Variants in POU2AF1 observed in about 807,000 individuals in gnomAD.
The protein encoded by POU2AF1 is POU class 2 homeobox associating factor 1.
POU2AF1 carries 12 observed loss-of-function variants against 26.3 expected under a neutral mutation model. The observed-to-expected ratio is 0.46, with a 90% CI of 0.29 to 0.74. POU2AF1 has a LOEUF of 0.74. Among genes scored for constraint, POU2AF1 ranks in the 30% least tolerant of loss-of-function variants. The probability of loss-of-function intolerance (pLI) is 0.09; values close to 1 mark genes in which losing one functional copy is unlikely to be tolerated. For synonymous variants in POU2AF1, 175 were observed against 148.0 expected (o/e 1.18, Z -1.32); for missense variants, 297 against 334.5 (o/e 0.89, Z 0.87).
intron 1 of POU2AF1, among the ~76,000 whole-genome samples, chr11:111,365,365 A>G (rs1454012758): frequency 6.6e-6 from 1 of 152,188 alleles, no homozygotes; most frequent in East Asian, 1.9e-4. Context: ...TTTTTTAGGA[A>G]CTTACCTAAA....
rs1281247804 is a variant in POU2AF1 at position 111,358,769 on chromosome 11, C to T, written c.147+19G>A. 6.4e-7 allele frequency: 1 copy of T among 1,561,836 alleles called. No individual in the cohort carries two copies. The highest frequency in any genetic ancestry group is 8.6e-7 in the Non-Finnish European group (1 of 1,158,330). On this transcript the variant is annotated intron_variant, in intron 2 of 4. Transcript: ENST00000393067. ...TTTCACACACACACACTCACACTCTCACACACACAAACTCTCACCGCCGTA... is the reference window on the plus strand; with the variant it reads ...TTTCACACACACACACTCACACTCTTACACACACAAACTCTCACCGCCGTA...
chr11:111,358,440 T>TCC (rs1565360853), intron 2 of POU2AF1, among the ~76,000 whole-genome samples: 10 of 47,708 alleles, frequency 2.1e-4, no homozygotes, highest in African/African-American at 6.2e-4. Flanking sequence ...TCACACTCAC[T>TCC]CTCACACACA....
chr11:111,352,466 A>G lies in POU2AF1; in HGVS notation c.*1795T>C, dbSNP rs1860743703. The G allele has an allele frequency of 1.1e-5, 2 of 185,490 alleles. No homozygotes were observed. The highest frequency in any genetic ancestry group is 2.3e-5 in the Non-Finnish European group (2 of 87,670). 11.5% of individuals were successfully genotyped at this position (185,490 alleles called of 1,614,324 possible). ...CTATCAAGAGCTAAGCACACCTGCT[A>G]ACAACTCAGTCTCCTACAAACCTGA... On this transcript the variant is annotated 3_prime_UTR_variant, in exon 5 of 5. Coordinates refer to ENST00000393067, the MANE Select transcript of POU2AF1 (RefSeq NM_006235.3).
chr11:111,356,809 C>T (rs141868883), intron 4 of POU2AF1, among the ~76,000 whole-genome samples: 85 of 152,308 alleles, frequency 5.6e-4, no homozygotes, highest in African/African-American at 1.6e-3. Context: ...ATCCTGACAA[C>T]GACCCTTTTC....
chr11:111,367,337 C>A (rs928884182), intron 1 of POU2AF1, among the ~76,000 whole-genome samples: 4 of 152,156 alleles, frequency 2.6e-5, no homozygotes, highest in African/African-American at 9.7e-5. Flanking sequence ...GCTCTGAAAT[C>A]ACCACACTCC....
At chr11:111,362,824 A>G (rs1222795164) in intron 1 of POU2AF1, 1 of 152,306 alleles carries the variant, frequency 6.6e-6, no homozygotes, top group African/African-American at 2.4e-5. Context: ...GAAGGGCTCA[A>G]TCCCATATGC....
At chr11:111,372,410 GCT>G (rs1491397246) in intron 1 of POU2AF1, among the ~76,000 whole-genome samples, 2 of 78,932 alleles carry the variant, frequency 2.5e-5, no homozygotes, top group Non-Finnish European at 6.7e-5. Flanking sequence ...CATCTGCAGG[GCT>G]TTTTTTTGCC....
chr11:111,363,994 A>G (rs540554431), intron 1 of POU2AF1: 1 of 985,408 alleles, frequency 1.0e-6, no homozygotes, highest in Admixed American at 6.1e-5. Flanking sequence ...ATACCACTGG[A>G]AGTCAAGCCA....
chr11:111,358,736 A>C (rs1344269561), intron 2 of POU2AF1, 52 bp downstream of exon 2: 3 of 1,531,354 alleles, frequency 2.0e-6, no homozygotes, highest in Admixed American at 2.0e-5. Flanking sequence ...CCTGACACAC[A>C]CATTCTCTTT....
In POU2AF1 at chr11:111,354,111, G is replaced by T; in HGVS notation, c.*150C>A. 1 of 784,186 alleles carries T rather than the reference G, an allele frequency of 1.3e-6. No individual in the cohort carries two copies. Among genetic ancestry groups the T allele is most frequent in the Non-Finnish European group, 1.9e-6 (1 of 515,042 alleles). 48.6% of individuals were successfully genotyped at this position (784,186 alleles called of 1,614,324 possible). ...GAGGGAGGGAGGGGAAGGAAGAAGG[G>T]AAGGAAGGTTTACAGGTCTACAATT... On this transcript the variant is annotated 3_prime_UTR_variant, in exon 5 of 5. Coordinates refer to ENST00000393067, the MANE Select transcript of POU2AF1 (RefSeq NM_006235.3).
intron 1 of POU2AF1, among the ~76,000 whole-genome samples, chr11:111,370,327 C>A (rs1861184269): frequency 6.6e-6 from 1 of 152,126 alleles, no homozygotes; most frequent in African/African-American, 2.4e-5. Flanking sequence ...TAGGAATTTA[C>A]CTCCTCTTTA....
intron 1 of POU2AF1, among the ~76,000 whole-genome samples, chr11:111,368,640 G>C (rs12419634): frequency 0.54 from 82,413 of 152,080 alleles, 22,788 homozygotes; most frequent in Admixed American, 0.64. Context: ...GAGGAAGAAG[G>C]ACCCAGTGCA....
intron 1 of POU2AF1, among the ~76,000 whole-genome samples, chr11:111,371,005 T>G (rs1266582884): frequency 6.6e-6 from 1 of 152,248 alleles, no homozygotes; most frequent in Non-Finnish European, 1.5e-5. Flanking sequence ...ATACCTTTCC[T>G]TCCTGAATTG....
At position 111,354,592 on chromosome 11, in the gene POU2AF1, C is replaced by T. The variant is rs182099563; in HGVS notation, c.457-17G>A. 726 of 1,503,332 alleles carry T rather than the reference C, an allele frequency of 4.8e-4. 4 individuals are homozygous for T. In the African/African-American group the frequency reaches 8.1e-3, roughly 17 times the overall value. 93.1% of individuals were successfully genotyped at this position (1,503,332 alleles called of 1,614,324 possible). A position where few individuals can be genotyped will look rare whatever the true frequency, so the allele number is the denominator to read the frequency against. On this transcript the variant is annotated splice_polypyrimidine_tract_variant and intron_variant, in intron 4 of 4. Transcript: ENST00000393067. ...GCTTCTTGTCTGTGACAGGAAAACA[C>T]GTGACAGAGGGTTAGCAGCCCCAGG... is the stretch of plus-strand genomic sequence containing the variant.
At chr11:111,360,580 G>A (rs901112190) in intron 1 of POU2AF1, among the ~76,000 whole-genome samples, 2 of 152,168 alleles carry the variant, frequency 1.3e-5, no homozygotes, top group African/African-American at 4.8e-5. Context: ...AGGTCCCTCA[G>A]CTGGCCAGGT....
chr11:111,374,866 T>C (rs1287957968), intron 1 of POU2AF1, among the ~76,000 whole-genome samples: 1 of 152,232 alleles, frequency 6.6e-6, no homozygotes, highest in Non-Finnish European at 1.5e-5. Flanking sequence ...GAGATAGGCT[T>C]CCAAAAATTA....
At chr11:111,358,372 ACACTCT>A (rs1228665672) in intron 2 of POU2AF1, among the ~76,000 whole-genome samples, 3 of 100,878 alleles carry the variant, frequency 3.0e-5, no homozygotes, top group Admixed American at 1.1e-4. Flanking sequence ...ACACACTCAC[ACACTCT>A]CTCACACACA....
At chr11:111,358,402 ATACT>A (rs755965678) in intron 2 of POU2AF1, among the ~76,000 whole-genome samples, 4,814 of 38,328 alleles carry the variant, frequency 0.13, 93 homozygotes, top group Middle Eastern at 0.3. Context: ...CCTCACACAC[ATACT>A]CTCTCACACA....
At chr11:111,356,992 T>C (rs1860859011) in intron 4 of POU2AF1, among the ~76,000 whole-genome samples, 1 of 152,222 alleles carries the variant, frequency 6.6e-6, no homozygotes, top group African/African-American at 2.4e-5. Flanking sequence ...CCATCAAAAA[T>C]ATCACCTGTT....
Sources: allele counts gnomAD v4.1 joint callset (sites outside exome capture counted in the v4.1 genomes callset), GRCh38; gene constraint gnomAD v4.1.1; transcripts MANE v1.5; gene names NCBI Gene and HGNC (gene_info 2026-07-23, HGNC 2026-07-21).